DAW1: variants seen among roughly 807,000 people sequenced by gnomAD.
The protein encoded by DAW1 is dynein assembly factor with WD repeat domains 1.
In DAW1, 47 loss-of-function variants were observed where a neutral mutation model predicts 56.5. That is an observed-to-expected ratio of 0.83 (90% confidence interval 0.66 to 1.06). The LOEUF (loss-of-function observed/expected upper bound fraction) is 1.06. DAW1 is among the 50% of genes least tolerant of loss of function. The probability of loss-of-function intolerance (pLI) is 0.00; values close to 1 mark genes in which losing one functional copy is unlikely to be tolerated. For missense variants in DAW1, 505 were observed against 499.3 expected (o/e 1.01, Z -0.11); for synonymous variants, 190 against 179.0 (o/e 1.06, Z -0.49).
chr2:227,884,856 T>A (rs1279371067), intron 1 of DAW1, among the ~76,000 whole-genome samples: 3 of 152,106 alleles, frequency 2.0e-5, no homozygotes, highest in African/African-American at 7.2e-5. Context: ...CAGGACTTTG[T>A]TGATGGGGCT....
chr2:227,921,114 G>A (rs539826267), intron 11 of DAW1, among the ~76,000 whole-genome samples: 2 of 152,196 alleles, frequency 1.3e-5, no homozygotes, highest in East Asian at 3.9e-4. Context: ...AAAGAAGCTG[G>A]GTGGGGAATA....
At chr2:227,903,861 T>C (rs1415336087) in intron 7 of DAW1, among the ~76,000 whole-genome samples, 2 of 152,200 alleles carry the variant, frequency 1.3e-5, no homozygotes, top group Non-Finnish European at 2.9e-5. Flanking sequence ...CTAAGCAAGT[T>C]AAAACATGGA....
At chr2:227,907,608 T>G (rs1240938837) in intron 10 of DAW1, among the ~76,000 whole-genome samples, 1 of 152,170 alleles carries the variant, frequency 6.6e-6, no homozygotes, top group East Asian at 1.9e-4. Flanking sequence ...AGTGCAGTGG[T>G]GCGATCTCGG....
chr2:227,891,054 C>G (rs1691255370), intron 3 of DAW1, among the ~76,000 whole-genome samples: 1 of 152,148 alleles, frequency 6.6e-6, no homozygotes. Flanking sequence ...GTATACAAAA[C>G]CACATGCCAT....
chr2:227,874,786 C>A (rs1021373243), intron 1 of DAW1, among the ~76,000 whole-genome samples: 15 of 152,042 alleles, frequency 9.9e-5, no homozygotes, highest in Non-Finnish European at 2.2e-4. Context: ...CATGGTGAAA[C>A]CCCGTCTCTA....
intron 10 of DAW1, among the ~76,000 whole-genome samples, chr2:227,916,757 C>T (rs1310383511): frequency 2.0e-5 from 3 of 152,152 alleles, no homozygotes; most frequent in African/African-American, 7.2e-5. Context: ...TTTTCATCTA[C>T]CTGAACTTGA....
intron 1 of DAW1, among the ~76,000 whole-genome samples, chr2:227,880,046 G>A (rs1016418): frequency 0.48 from 73,517 of 151,858 alleles, 18,002 homozygotes; most frequent in Admixed American, 0.58. Flanking sequence ...TACAGCATTG[G>A]GTTTTCTCAT....
chr2:227,883,005 T>TA (rs1691046143), intron 1 of DAW1, among the ~76,000 whole-genome samples: 2 of 152,182 alleles, frequency 1.3e-5, no homozygotes, highest in African/African-American at 4.8e-5. Context: ...ACTAATACAG[T>TA]TGTCTTAAGG....
chr2:227,913,934 A>C, intron 10 of DAW1, among the ~76,000 whole-genome samples: 1 of 130,758 alleles, frequency 7.6e-6, no homozygotes, highest in African/African-American at 2.7e-5. Context: ...TATCTTCATC[A>C]TCATCATCAT....
intron 5 of DAW1, 96 bp from the exon 6 acceptor site, chr2:227,898,086 G>A (rs1414580853): frequency 1.5e-6 from 1 of 665,786 alleles, no homozygotes; most frequent in Non-Finnish European, 2.2e-6. Context: ...TAGAAGTGAA[G>A]TAAATTTTTT....
intron 11 of DAW1, 99 bp downstream of exon 11, chr2:227,918,955 G>A: frequency 8.2e-7 from 1 of 1,219,968 alleles, no homozygotes; most frequent in South Asian, 1.3e-5. Context: ...AGCACTTTGA[G>A]AGGAAAAGGT....
At chr2:227,876,557 C>A in intron 1 of DAW1, 3 of 1,244,614 alleles carry the variant, frequency 2.4e-6, no homozygotes, top group Non-Finnish European at 3.2e-6. Flanking sequence ...CATTCCCGTG[C>A]TACCTTTATC....
intron 5 of DAW1, among the ~76,000 whole-genome samples, chr2:227,894,576 G>A (rs1691362231): frequency 6.6e-6 from 1 of 152,186 alleles, no homozygotes; most frequent in Non-Finnish European, 1.5e-5. Context: ...GTGCCTCTGG[G>A]GGAATGTGAC....
At chr2:227,918,134 A>G (rs1455080015) in intron 10 of DAW1, among the ~76,000 whole-genome samples, 2 of 144,500 alleles carry the variant, frequency 1.4e-5, no homozygotes, top group Non-Finnish European at 3.0e-5. Flanking sequence ...CCATCCATCC[A>G]TCCATCCGTC....
intron 5 of DAW1, among the ~76,000 whole-genome samples, chr2:227,896,810 T>A (rs1476314658): frequency 6.6e-6 from 1 of 151,650 alleles, no homozygotes; most frequent in Non-Finnish European, 1.5e-5. Flanking sequence ...AGAATAGATA[T>A]CAGTCAAGAA....
At chr2:227,899,971 A>G (rs1175581119) in intron 6 of DAW1, among the ~76,000 whole-genome samples, 2 of 152,212 alleles carry the variant, frequency 1.3e-5, no homozygotes, top group African/African-American at 4.8e-5. Context: ...ATTTATTTAC[A>G]CTCATCCTAA....
chr2:227,876,136 C>T (rs1690875508), intron 1 of DAW1, among the ~76,000 whole-genome samples: 2 of 152,150 alleles, frequency 1.3e-5, no homozygotes, highest in East Asian at 1.9e-4. Flanking sequence ...CTGCCTCAGC[C>T]TCCTGAGTAG....
rs1692167628 is a variant in DAW1 at position 227,923,968 on chromosome 2, A to T, written c.1248A>T (p.Ter416CysextTer7). The T allele has an allele frequency of 6.2e-7, 1 of 1,614,096 alleles. No individual in the cohort carries two copies. The highest frequency in any genetic ancestry group is 8.5e-7 in the Non-Finnish European group (1 of 1,179,950). ...SKDNTCRIWR[*>C] ...ATAATACCTGTAGGATATGGCGTTG[A>T]CTGAAGGAAGCTGGTCAGTGAGCAA... Residue 416 changes from the stop codon to cysteine, a stop_lost, in exon 13 of 13, where the codon TGA becomes TGT. Coordinates refer to ENST00000309931, the MANE Select transcript of DAW1 (RefSeq NM_178821.3).
chr2:227,876,680 AATT>A (rs1690891751), intron 1 of DAW1, among the ~76,000 whole-genome samples: 1 of 152,182 alleles, frequency 6.6e-6, no homozygotes, highest in Admixed American at 6.5e-5. Flanking sequence ...CTATCTACTG[AATT>A]ATCCCTCTCC....
Sources: allele counts gnomAD v4.1 joint callset (sites outside exome capture counted in the v4.1 genomes callset), GRCh38; gene constraint gnomAD v4.1.1; transcripts MANE v1.5; gene names NCBI Gene and HGNC (gene_info 2026-07-23, HGNC 2026-07-21).